Variants in ARHGEF28 observed in about 807,000 individuals in gnomAD.
ARHGEF28 encodes the protein Rho guanine nucleotide exchange factor 28.
In ARHGEF28, 152 loss-of-function variants were observed where a neutral mutation model predicts 206.6. The ratio of observed to expected loss-of-function variants is 0.74; its 90% CI spans 0.64 to 0.84. The LOEUF is 0.84. Ranked by LOEUF, ARHGEF28 falls within the 40% of genes least tolerant of loss-of-function variation. The probability of loss-of-function intolerance (pLI) is 0.00; values close to 1 mark genes in which losing one functional copy is unlikely to be tolerated. For synonymous variants in ARHGEF28, 763 were observed against 776.4 expected, an observed-to-expected ratio of 0.98 and a Z score of 0.29; for missense variants, 2,028 against 2,073.2, an observed-to-expected ratio of 0.98 and a Z score of 0.42.
chr5:73,656,552 A>G (rs1403366202), intron 1 of ARHGEF28, among the ~76,000 whole-genome samples: 1 of 152,144 alleles, frequency 6.6e-6, no homozygotes, highest in Non-Finnish European at 1.5e-5. Flanking sequence ...GCACTTTGCT[A>G]CCCTCAAATC....
At chr5:73,894,008 G>A (rs777691452) in intron 28 of ARHGEF28, among the ~76,000 whole-genome samples, 20 of 150,048 alleles carry the variant, frequency 1.3e-4, no homozygotes, top group African/African-American at 3.3e-4. Flanking sequence ...AGCCTGTGCC[G>A]TTCCAGGCAT....
At position 73,885,860 on chromosome 5, in the gene ARHGEF28, G is replaced by A. The variant is rs1265675651; in HGVS notation, c.3066G>A (p.Glu1022=). The A allele has an allele frequency of 6.2e-7, 1 of 1,607,848 alleles. No homozygotes were observed. The highest frequency in any genetic ancestry group is 8.5e-7 in the Non-Finnish European group (1 of 1,177,618). ...RILQYTKERT[E]EHKDLRKALC... ...CTTTTTCCCACGCAGAAAGAACTGA[G>A]GAACATAAAGACTTACGCAAAGCGC... Residue 1022 remains glutamate, a synonymous_variant, in exon 25 of 36, where the codon GAG becomes GAA. Transcript: ENST00000513042.
chr5:73,912,855 G>A (rs918906585), intron 35 of ARHGEF28, among the ~76,000 whole-genome samples: 1 of 152,152 alleles, frequency 6.6e-6, no homozygotes, highest in Non-Finnish European at 1.5e-5. Context: ...TCATTAATCT[G>A]CTATTTACAG....
intron 9 of ARHGEF28, 195 bp downstream of exon 9, chr5:73,795,586 CA>C (rs1323714856): frequency 2.0e-6 from 1 of 497,778 alleles, no homozygotes; most frequent in East Asian, 3.3e-5. Flanking sequence ...ACTCCATTTA[CA>C]ATCTAAAAAA....
intron 1 of ARHGEF28, among the ~76,000 whole-genome samples, chr5:73,642,725 C>T (rs541126993): frequency 6.6e-6 from 1 of 152,210 alleles, no homozygotes; most frequent in East Asian, 1.9e-4. Context: ...CTCTCACTCC[C>T]AGGGTACAGA....
chr5:73,938,931 CTTTT>C (rs200516722), intron 35 of ARHGEF28, among the ~76,000 whole-genome samples: 6 of 120,594 alleles, frequency 5.0e-5, no homozygotes, highest in East Asian at 2.4e-4. Context: ...ATTAATATGT[CTTTT>C]TTTTTTTTTT....
At chr5:73,886,906 T>C (rs911986313) in intron 25 of ARHGEF28, among the ~76,000 whole-genome samples, 2 of 152,176 alleles carry the variant, frequency 1.3e-5, no homozygotes, top group East Asian at 1.9e-4. Context: ...CATCCATAGG[T>C]AGGCAGTGAG....
chr5:73,660,066 T>C (rs1233672008), intron 1 of ARHGEF28, among the ~76,000 whole-genome samples: 1 of 152,250 alleles, frequency 6.6e-6, no homozygotes, highest in Non-Finnish European at 1.5e-5. Flanking sequence ...CATGTGATGC[T>C]GTTTGAAATA....
At chr5:73,843,688 A>G (rs1385703252) in intron 11 of ARHGEF28, among the ~76,000 whole-genome samples, 2 of 152,212 alleles carry the variant, frequency 1.3e-5, no homozygotes, top group African/African-American at 4.8e-5. Context: ...TGGTGAAACT[A>G]AAATATGTAT....
intron 1 of ARHGEF28, among the ~76,000 whole-genome samples, chr5:73,660,305 T>G (rs1745509920): frequency 6.6e-6 from 1 of 152,208 alleles, no homozygotes; most frequent in Non-Finnish European, 1.5e-5. Flanking sequence ...ATTGCAGCAG[T>G]TCAGTCCCAT....
Position 73,904,364 on chromosome 5 carries a change from C to G in ARHGEF28, c.4120C>G (p.Gln1374Glu). The change falls in exon 33 of 36, where the codon CAA becomes GAA. Residue 1374 changes from glutamine (Q) to glutamate (E), a missense_variant. Gln to Glu is a conservative substitution (Grantham distance 29). Around this residue, in one of 3 missense-constraint regions of ARHGEF28, gnomAD observed 803 missense variants for 768.0 expected, o/e 1.05. Coordinates refer to ENST00000513042, the MANE Select transcript of ARHGEF28 (RefSeq NM_001177693.2). ...FPGSSQSEII[Q>E]AIQNLTRLLY... ...TTACAATTTTGTTTTTCAGATTATA[C>G]AAGCCATACAGAATTTAACCCGTCT... 6.2e-7 allele frequency: 1 copy of G among 1,613,072 alleles called. No individual in the cohort carries two copies. The highest frequency in any genetic ancestry group is 8.5e-7 in the Non-Finnish European group (1 of 1,179,482).
At chr5:73,641,607 TG>T (rs1744110148) in intron 1 of ARHGEF28, among the ~76,000 whole-genome samples, 1 of 152,192 alleles carries the variant, frequency 6.6e-6, no homozygotes, top group Non-Finnish European at 1.5e-5. Flanking sequence ...TTATCGCATC[TG>T]GATCTTGTCT....
At chr5:73,917,876 T>C (rs1561194290) in intron 35 of ARHGEF28, among the ~76,000 whole-genome samples, 1 of 152,200 alleles carries the variant, frequency 6.6e-6, no homozygotes, top group South Asian at 2.1e-4. Context: ...TCTAGTATGA[T>C]GTGGCTTTAC....
intron 16 of ARHGEF28, among the ~76,000 whole-genome samples, chr5:73,860,504 G>A (rs1024505128): frequency 2.0e-5 from 3 of 152,054 alleles, no homozygotes; most frequent in Non-Finnish European, 4.4e-5. Flanking sequence ...TACTTGGCCT[G>A]GCATCACAAG....
At chr5:73,931,331 C>T (rs189215953) in intron 35 of ARHGEF28, among the ~76,000 whole-genome samples, 45 of 152,170 alleles carry the variant, frequency 3.0e-4, no homozygotes, top group Non-Finnish European at 3.5e-4. Context: ...TGAGGTCTTT[C>T]GTTAAAGTCA....
intron 31 of ARHGEF28, 168 bp downstream of exon 31, chr5:73,901,452 A>T: frequency 1.9e-6 from 1 of 518,560 alleles, no homozygotes; most frequent in Non-Finnish European, 3.5e-6. Context: ...TCTTCTTCAA[A>T]TGTGCTTGCA....
intron 4 of ARHGEF28, among the ~76,000 whole-genome samples, chr5:73,759,196 C>G (rs1324416135): frequency 1.3e-5 from 2 of 152,166 alleles, no homozygotes; most frequent in Non-Finnish European, 2.9e-5. Flanking sequence ...TAAGAGTACA[C>G]TCCTTAACTT....
intron 5 of ARHGEF28, among the ~76,000 whole-genome samples, chr5:73,774,572 A>G (rs925649459): frequency 6.6e-6 from 1 of 152,216 alleles, no homozygotes; most frequent in Non-Finnish European, 1.5e-5. Flanking sequence ...ATGCTATGGT[A>G]TGATTTAGTC....
At chr5:73,899,513 G>A (rs997651527) in intron 30 of ARHGEF28, 6 of 152,372 alleles carry the variant, frequency 3.9e-5, no homozygotes, top group African/African-American at 1.4e-4. Flanking sequence ...TTCAGGTAGA[G>A]GAAGTACCGA....
Sources: gnomAD v4.1 joint callset for allele counts (sites outside exome capture counted in the v4.1 genomes callset) on GRCh38, gnomAD v4.1.1 for gene constraint, gnomAD v4.1.1 regional missense constraint, MANE v1.5 for transcripts, NCBI Gene and HGNC (gene_info 2026-07-23, HGNC 2026-07-21) for gene names.